Variants in OPRM1 observed in about 807,000 individuals in gnomAD.
OPRM1 encodes mu-type opioid receptor.
A neutral mutation model predicts 31.8 loss-of-function variants in OPRM1; 27 were observed. The observed-to-expected ratio is 0.85, with a 90% confidence interval of 0.63 to 1.17. The LOEUF (loss-of-function observed/expected upper bound fraction) is 1.17, where lower values mean the gene tolerates loss of function less well. Ranked by LOEUF, OPRM1 falls within the 50% of genes most tolerant of loss-of-function variation. The probability of loss-of-function intolerance (pLI) is 0.00; values close to 1 mark genes in which losing one functional copy is unlikely to be tolerated. For synonymous variants in OPRM1, 196 were observed against 189.9 expected (o/e 1.03, Z -0.26); for missense variants, 536 against 511.1 (o/e 1.05, Z -0.47).
At chr6:154,011,164 T>C in intron 1 of OPRM1, 1 of 700,064 alleles carries the variant, frequency 1.4e-6, no homozygotes, top group Non-Finnish European at 2.1e-6. Flanking sequence ...AAATAAGGAA[T>C]ACCAAGCACA....
intron 3 of OPRM1, among the ~76,000 whole-genome samples, chr6:154,099,450 AAG>A (rs1230007910): frequency 2.7e-4 from 22 of 81,030 alleles, no homozygotes; most frequent in South Asian, 7.0e-4. Context: ...GGAAGAAAGA[AAG>A]AGAGAAAGAA....
intron 3 of OPRM1, among the ~76,000 whole-genome samples, chr6:154,172,446 C>T (rs1196948585): frequency 6.6e-6 from 1 of 152,180 alleles, no homozygotes; most frequent in Non-Finnish European, 1.5e-5. Context: ...AAATACTGTG[C>T]TTTTCCCACA....
intron 3 of OPRM1, chr6:154,221,107 C>A: frequency 1.7e-6 from 1 of 600,098 alleles, no homozygotes; most frequent in Non-Finnish European, 2.8e-6. Context: ...GAAGAAAGCA[C>A]GAAGGCATTG....
At chr6:154,138,426 G>A (rs185550335) in intron 3 of OPRM1, among the ~76,000 whole-genome samples, 1 of 152,292 alleles carries the variant, frequency 6.6e-6, no homozygotes, top group East Asian at 1.9e-4. Flanking sequence ...CAAGTATCTG[G>A]AGGTGGGACC....
chr6:154,205,262 A>G (rs1777397827), intron 3 of OPRM1, among the ~76,000 whole-genome samples: 1 of 152,068 alleles, frequency 6.6e-6, no homozygotes. Context: ...ATCTAGTTCC[A>G]TTCAGCATCC....
chr6:154,204,756 T>A (rs148562244), intron 3 of OPRM1, among the ~76,000 whole-genome samples: 6 of 152,194 alleles, frequency 3.9e-5, no homozygotes, highest in Non-Finnish European at 8.8e-5. Context: ...AAACCACAGA[T>A]AGAGTATTTC....
At chr6:154,133,399 T>C (rs1345771145), downstream of OPRM1, among the ~76,000 whole-genome samples, 1 of 152,236 alleles carries the variant, frequency 6.6e-6, no homozygotes, top group Non-Finnish European at 1.5e-5. Context: ...TCATATTTTG[T>C]GTGAACATGT....
chr6:154,180,414 A>ATTTTTTT (rs761333730), intron 3 of OPRM1, among the ~76,000 whole-genome samples: 71 of 65,252 alleles, frequency 1.1e-3, no homozygotes, highest in African/African-American at 2.8e-3. Flanking sequence ...ATATATATAT[A>ATTTTTTT]TTTTTTTTTT....
At chr6:154,010,554 C>G (rs1304457561) in exon 1 of OPRM1, 2 of 1,545,664 alleles carry the variant, frequency 1.3e-6, no homozygotes, top group African/African-American at 2.7e-5. Flanking sequence ...CTGGGAAGCC[C>G]TCCAGGTTCA....
chr6:154,150,499 G>A (rs1181988711), intron 3 of OPRM1, among the ~76,000 whole-genome samples: 1 of 152,190 alleles, frequency 6.6e-6, no homozygotes, highest in African/African-American at 2.4e-5. Flanking sequence ...AGGGAAATTG[G>A]GAGTGAGCCT....
chr6:154,193,166 A>T (rs1374906616), intron 3 of OPRM1, among the ~76,000 whole-genome samples: 1 of 152,210 alleles, frequency 6.6e-6, no homozygotes. Flanking sequence ...GTACATATAT[A>T]CCATAGAATA....
chr6:154,245,849 T>C (rs1780990883), intron 3 of OPRM1, among the ~76,000 whole-genome samples: 1 of 152,206 alleles, frequency 6.6e-6, no homozygotes, highest in Admixed American at 6.5e-5. Context: ...TCAACATGAT[T>C]CAGGTCACGA....
intron 3 of OPRM1, among the ~76,000 whole-genome samples, chr6:154,201,346 A>C (rs1164847697): frequency 1.3e-5 from 2 of 152,196 alleles, no homozygotes; most frequent in African/African-American, 4.8e-5. Context: ...GTGACAGTAC[A>C]TATAAGCCTT....
In OPRM1 at chr6:154,168,214, C is replaced by T. The variant is rs76498516; in HGVS notation, c.1164+76742C>T. ...TCCCAAGGCACGGCCCCACTGGCACCCTCATCTCAGACTTCTCTCCGGAAC... is the reference window on the plus strand; with the variant it reads ...TCCCAAGGCACGGCCCCACTGGCACTCTCATCTCAGACTTCTCTCCGGAAC... On this transcript the variant is annotated intron_variant, in intron 3 of 3. Transcript: ENST00000337049. The surrounding 1 kb of genome is among the most constrained non-coding windows in gnomAD (Gnocchi z 4.1). 5.3e-3 allele frequency: 4,243 copies of T among 806,388 alleles called. 18 individuals carry two copies. The highest frequency in any genetic ancestry group is 9.4e-3 in the South Asian group (381 of 40,670). 50.0% of individuals were successfully genotyped at this position (806,388 alleles called of 1,614,324 possible).
At chr6:154,140,731 C>T (rs1798183704) in intron 3 of OPRM1, among the ~76,000 whole-genome samples, 1 of 152,150 alleles carries the variant, frequency 6.6e-6, no homozygotes, top group Non-Finnish European at 1.5e-5. Context: ...TACAGGTCAA[C>T]CCACAGAGGG....
chr6:154,238,940 AAG>A (rs1435063202), intron 3 of OPRM1, among the ~76,000 whole-genome samples: 1 of 152,012 alleles, frequency 6.6e-6, no homozygotes, highest in East Asian at 1.9e-4. Flanking sequence ...TAAAAAAAAA[AAG>A]AAGTTGTGGA....
intron 3 of OPRM1, among the ~76,000 whole-genome samples, chr6:154,231,174 C>T (rs984475258): frequency 3.9e-5 from 6 of 152,062 alleles, no homozygotes; most frequent in Non-Finnish European, 8.8e-5. Flanking sequence ...AGACTCATGA[C>T]CACTAGAGAA....
chr6:154,191,724 AATGT>A (rs1801907688), intron 3 of OPRM1, among the ~76,000 whole-genome samples: 5 of 152,212 alleles, frequency 3.3e-5, no homozygotes, highest in Admixed American at 6.5e-5. Context: ...AGTGAACCCT[AATGT>A]AAACCATAGA....
intron 2 of OPRM1, among the ~76,000 whole-genome samples, chr6:154,090,712 C>T (rs17181213): frequency 0.013 from 2,032 of 152,110 alleles, 52 homozygotes; most frequent in African/African-American, 0.047. Context: ...GTTCCCTGAA[C>T]GAAAGCTTAA....
Sources: gnomAD v4.1 joint callset for allele counts (sites outside exome capture counted in the v4.1 genomes callset) on GRCh38, gnomAD v4.1.1 for gene constraint, Gnocchi (gnomAD v3.1) non-coding constraint, MANE v1.5 for transcripts, NCBI Gene and HGNC (gene_info 2026-07-23, HGNC 2026-07-21) for gene names.